CCND3: variants seen among roughly 807,000 people sequenced by gnomAD.
CCND3 encodes the protein cyclin D3, also known as G1/S-specific cyclin-D3.
Under a neutral mutation model 28.7 loss-of-function variants are expected in CCND3, and 9 were observed. The ratio of observed to expected loss-of-function variants is 0.31; its 90% confidence interval spans 0.19 to 0.55. CCND3 has a LOEUF of 0.55. CCND3 is among the 20% of genes least tolerant of loss of function. The pLI is 0.93. For missense variants in CCND3, 315 were observed against 385.8 expected (o/e 0.82, Z 1.54); for synonymous variants, 164 against 163.9 (o/e 1.00, Z 0.00).
intron 1 of CCND3, among the ~76,000 whole-genome samples, chr6:41,970,636 G>A (rs1171792880): frequency 6.6e-6 from 1 of 152,154 alleles, no homozygotes; most frequent in Non-Finnish European, 1.5e-5. Context: ...CAGCAAGCCT[G>A]TATTATGGAA....
At chr6:42,049,229 G>A (rs1253667392), upstream of CCND3, among the ~76,000 whole-genome samples, 3 of 152,092 alleles carry the variant, frequency 2.0e-5, no homozygotes, top group African/African-American at 7.2e-5. Flanking sequence ...TAGACACGGG[G>A]TTTCACCATG....
intron 1 of CCND3, among the ~76,000 whole-genome samples, chr6:41,971,728 C>T (rs538021207): frequency 6.6e-6 from 1 of 151,192 alleles, no homozygotes; most frequent in South Asian, 2.1e-4. Flanking sequence ...CTAATAGAGA[C>T]GGGGTTTCGC....
In CCND3 at chr6:41,940,552, A is replaced by C; in HGVS notation, c.232T>G (p.Phe78Val). 1 of 1,612,490 alleles carries C rather than the reference A, an allele frequency of 6.2e-7. No homozygotes were observed. The highest frequency in any genetic ancestry group is 1.1e-5 in the South Asian group (1 of 91,004). Residue 78 changes from phenylalanine (F) to valine (V), a missense_variant, in exon 2 of 5, where the codon TTC becomes GTC. Transcript: ENST00000372991. ...CEEQRCEEEV[F>V]PLAMNYLDRY... ...TCCAGGTAGTTCATGGCCAGGGGGA[A>C]GACTTCCTCCTCACAGCGCTGCTCC...
At chr6:41,981,677 C>A (rs1762352870) in intron 1 of CCND3, among the ~76,000 whole-genome samples, 1 of 152,038 alleles carries the variant, frequency 6.6e-6, no homozygotes. Context: ...GCATGTGCCA[C>A]CACACCTAGC....
chr6:41,971,042 C>G (rs984164126), intron 1 of CCND3, among the ~76,000 whole-genome samples: 1 of 151,990 alleles, frequency 6.6e-6, no homozygotes, highest in South Asian at 2.1e-4. Flanking sequence ...CGCAGCCTCC[C>G]GAGTAGCTGG....
At chr6:41,955,651 C>CAAAAAAAAAAAA (rs35334493) in intron 1 of CCND3, among the ~76,000 whole-genome samples, 1 of 113,572 alleles carries the variant, frequency 8.8e-6, no homozygotes, top group Non-Finnish European at 1.8e-5. Context: ...CCTATCTCTA[C>CAAAAAAAAAAAA]AAAAAAAAAA....
In CCND3 at chr6:42,033,677, G is replaced by A. The variant is rs567455817; in HGVS notation, c.-46+14824C>T. The stretch of plus-strand genomic sequence containing the variant: ...AGCCTGACCAACATGGAAAAACCCC[G>A]TCTCTACTAAAAATACAAAATAATT... On this transcript the variant is annotated intron_variant, in intron 1 of 4. Coordinates refer to the CCND3 transcript ENST00000372988. Among the ~76,000 whole-genome samples the A allele has an allele frequency of 2.6e-3, 396 of 149,446 alleles. 4 individuals are homozygous for A. Among genetic ancestry groups the A allele is most frequent in the African/African-American group, 9.3e-3 (376 of 40,584 alleles).
chr6:42,044,939 C>T (rs566870210), intron 1 of CCND3, among the ~76,000 whole-genome samples: 9 of 148,586 alleles, frequency 6.1e-5, no homozygotes, highest in Middle Eastern at 6.8e-3. Context: ...CAGGCCCGTG[C>T]GACCACGCCC....
At chr6:41,937,104 C>G (rs1775826874) in intron 3 of CCND3, 131 bp downstream of exon 3, 2 of 983,100 alleles carry the variant, frequency 2.0e-6, no homozygotes, top group East Asian at 2.5e-5. Flanking sequence ...TGCATTGAGA[C>G]TGGGGGCTCA....
At chr6:42,042,754 G>A (rs375071526) in intron 1 of CCND3, among the ~76,000 whole-genome samples, 1 of 152,256 alleles carries the variant, frequency 6.6e-6, no homozygotes, top group African/African-American at 2.4e-5. Context: ...ATGGTCTGCC[G>A]TGAGGATGCA....
At chr6:41,951,811 T>G (rs1776326429) in intron 1 of CCND3, among the ~76,000 whole-genome samples, 1 of 151,762 alleles carries the variant, frequency 6.6e-6, no homozygotes, top group African/African-American at 2.4e-5. Flanking sequence ...CAGGCTGGAG[T>G]GCAGTGGTGT....
In CCND3 at chr6:41,936,703, A is replaced by G. The variant is rs1440598666; in HGVS notation, c.575-8T>C. 5 of 1,611,638 alleles carry G rather than the reference A, an allele frequency of 3.1e-6. No individual in the cohort carries two copies. The highest frequency in any genetic ancestry group is 2.7e-5 in the African/African-American group (2 of 74,820). ...ACATGGCAAAGGTATAATCTTGGAG[A>G]GGAGGAAAGGGAACCATGAGAGAAG... On this transcript the variant is annotated splice_polypyrimidine_tract_variant and splice_region_variant and intron_variant, in intron 3 of 4. Coordinates refer to ENST00000372991, the MANE Select transcript of CCND3 (RefSeq NM_001760.5). This position sits in a 1 kb window ranked among gnomAD's most constrained non-coding sequence, Gnocchi z 4.4.
At chr6:41,974,060 G>A (rs1381010363) in intron 1 of CCND3, among the ~76,000 whole-genome samples, 1 of 152,194 alleles carries the variant, frequency 6.6e-6, no homozygotes, top group African/African-American at 2.4e-5. Flanking sequence ...GTGTGCACCT[G>A]TAGTCCCAGC....
chr6:41,948,665 C>T lies in CCND3; in HGVS notation c.-45-8080G>A, dbSNP rs551357121. Among the ~76,000 whole-genome samples the T allele has an allele frequency of 1.2e-3, 175 of 151,744 alleles. 3 individuals carry two copies. In the South Asian group the frequency reaches 0.035, roughly 30 times the overall value. ...CAGCCTGGCCAACATGGTGAAACCC[C>T]GTCTCTAGTAAAAAATACAAAAAAA... is the stretch of plus-strand genomic sequence containing the variant. On this transcript the variant is annotated intron_variant, in intron 1 of 4. Transcript: ENST00000372988.
intron 1 of CCND3, among the ~76,000 whole-genome samples, chr6:41,964,714 C>A (rs1761837013): frequency 6.6e-6 from 1 of 152,116 alleles, no homozygotes; most frequent in Non-Finnish European, 1.5e-5. Context: ...TGCAAGAGAC[C>A]TGGACTTGTC....
At chr6:42,019,999 C>A (rs1346540291) in intron 1 of CCND3, among the ~76,000 whole-genome samples, 3 of 152,236 alleles carry the variant, frequency 2.0e-5, no homozygotes, top group East Asian at 3.9e-4. Flanking sequence ...AAAAACCTTG[C>A]CGGGAGCGGT....
At chr6:42,006,249 G>T (rs1000010041) in intron 1 of CCND3, among the ~76,000 whole-genome samples, 1 of 151,356 alleles carries the variant, frequency 6.6e-6, no homozygotes, top group African/African-American at 2.4e-5. Context: ...CATCTCAATA[G>T]ATGTAGAAAA....
chr6:42,029,330 CTATG>C (rs968307353), intron 1 of CCND3, among the ~76,000 whole-genome samples: 2 of 151,950 alleles, frequency 1.3e-5, no homozygotes, highest in Non-Finnish European at 2.9e-5. Context: ...GCTCTGCAAA[CTATG>C]TAGCTAGTCC....
upstream of CCND3, chr6:42,049,950 T>C: frequency 6.6e-6 from 1 of 152,182 alleles, no homozygotes; most frequent in East Asian, 1.9e-4. Context: ...ACCCTGCGAG[T>C]GTAGATGATC....
Sources: allele counts gnomAD v4.1 joint callset (sites outside exome capture counted in the v4.1 genomes callset), GRCh38; gene constraint gnomAD v4.1.1; non-coding constraint Gnocchi (gnomAD v3.1); transcripts MANE v1.5; gene names NCBI Gene and HGNC (gene_info 2026-07-23, HGNC 2026-07-21).